Variants in MZT1 observed in about 807,000 individuals in gnomAD.
MZT1 encodes the protein mitotic-spindle organizing protein 1.
MZT1 carries 8 observed loss-of-function variants against 8.5 expected under a neutral mutation model. That is an observed-to-expected ratio of 0.94 (90% CI 0.55 to 1.70). MZT1 has a LOEUF of 1.70. Ranked by LOEUF, MZT1 falls within the 40% of genes most tolerant of loss-of-function variation. MZT1 has a pLI of 0.00. For synonymous variants in MZT1, 38 were observed against 42.0 expected (o/e 0.90, Z 0.37); for missense variants, 93 against 108.6 (o/e 0.86, Z 0.64).
intron 1 of MZT1, among the ~76,000 whole-genome samples, chr13:72,722,537 T>C (rs1295985438): frequency 1.3e-5 from 2 of 152,200 alleles, no homozygotes; most frequent in Non-Finnish European, 2.9e-5. Flanking sequence ...TTATTTTAGG[T>C]GTCCTGGACT....
intron 1 of MZT1, among the ~76,000 whole-genome samples, chr13:72,727,006 C>T (rs779222575): frequency 5.3e-5 from 8 of 152,250 alleles, no homozygotes; most frequent in Non-Finnish European, 1.0e-4. Flanking sequence ...CAAAGGGGAA[C>T]TTGTTCATTC....
intron 2 of MZT1, among the ~76,000 whole-genome samples, chr13:72,715,973 G>A (rs12430345): frequency 0.016 from 2,376 of 152,126 alleles, 204 homozygotes; most frequent in Admixed American, 0.14. Context: ...CTAGAGTACA[G>A]TGGTGTGAAT....
At chr13:72,717,341 T>C (rs1013735200) in intron 2 of MZT1, among the ~76,000 whole-genome samples, 7 of 119,952 alleles carry the variant, frequency 5.8e-5, no homozygotes, top group Non-Finnish European at 1.1e-4. Context: ...CACTTTCTTT[T>C]TTTTTTTTTT....
At position 72,724,752 on chromosome 13, in the gene MZT1, A is replaced by ATATATATATATATATATGTG. The variant is rs1180726488; in HGVS notation, c.79+2771_79+2772insCACATATATATATATATATA. Among the ~76,000 whole-genome samples the ATATATATATATATATATGTG allele has an allele frequency of 1.2e-4, 7 of 56,888 alleles. 3 individuals carry two copies. Among genetic ancestry groups the ATATATATATATATATATGTG allele is most frequent in the Non-Finnish European group, 2.6e-4 (7 of 26,834 alleles). 37.3% of individuals were successfully genotyped at this position (56,888 alleles called of 152,430 possible). A position where few individuals can be genotyped will look rare whatever the true frequency, so the allele number is the denominator to read the frequency against. ...TATATATATATATACACATATATATATGTAAAGTGGTGCTACAGGCCGGGC... is the reference window on the plus strand; with the variant it reads ...TATATATATATATACACATATATATATATATATATATATATATGTGTGTAAAGTGGTGCTACAGGCCGGGC... On this transcript the variant is annotated intron_variant, in intron 1 of 2. Coordinates refer to ENST00000377818, the MANE Select transcript of MZT1 (RefSeq NM_001071775.3).
At chr13:72,717,588 C>T (rs570278616) in intron 2 of MZT1, among the ~76,000 whole-genome samples, 15 of 152,278 alleles carry the variant, frequency 9.9e-5, no homozygotes, top group Admixed American at 7.8e-4. Context: ...ATCCACCCAC[C>T]TTGGTGTCCC....
intron 2 of MZT1, among the ~76,000 whole-genome samples, chr13:72,714,036 A>G (rs2032512134): frequency 6.6e-6 from 1 of 152,268 alleles, no homozygotes; most frequent in Non-Finnish European, 1.5e-5. Context: ...ACAAGTGCTG[A>G]TAGCCAAGAT....
chr13:72,715,600 T>C lies in MZT1; in HGVS notation c.225+3352A>G, dbSNP rs574043849. Among the ~76,000 whole-genome samples the C allele has an allele frequency of 6.6e-4, 100 of 152,298 alleles. 1 individual carries two copies. The Middle Eastern group carries it at 0.017, about 26-fold the overall frequency. On this transcript the variant is annotated intron_variant, in intron 2 of 2. Coordinates refer to ENST00000377818, the MANE Select transcript of MZT1 (RefSeq NM_001071775.3). ...GTAATCTCCATTGTAATCTCCAATG[T>C]TGGAGGTGGGGCCTGGTGGGAGTTG...
Position 72,710,364 on chromosome 13 carries a change from A to G in MZT1, c.226-19T>C. 6.2e-7 allele frequency: 1 copy of G among 1,612,362 alleles called. No homozygotes were observed. The highest frequency in any genetic ancestry group is 2.2e-5 in the East Asian group (1 of 44,774). On this transcript the variant is annotated intron_variant, in intron 2 of 2. Transcript: ENST00000377818. ...CAGCAGCCTAGAACAAGAAAGTAAG[A>G]TTCATTACAATAAAACCATGGAAAA...
intron 2 of MZT1, among the ~76,000 whole-genome samples, chr13:72,713,855 G>C (rs779074156): frequency 1.3e-5 from 2 of 152,220 alleles, no homozygotes; most frequent in Non-Finnish European, 2.9e-5. Context: ...AGTTATCACT[G>C]TTATAATGAT....
intron 1 of MZT1, among the ~76,000 whole-genome samples, chr13:72,721,849 T>C (rs1333210462): frequency 2.0e-5 from 3 of 152,250 alleles, no homozygotes; most frequent in African/African-American, 7.2e-5. Context: ...GGCTGGAAGA[T>C]GACAGCTCTT....
intron 2 of MZT1, among the ~76,000 whole-genome samples, chr13:72,710,579 A>T (rs1593794848): frequency 6.6e-6 from 1 of 152,194 alleles, no homozygotes; most frequent in East Asian, 1.9e-4. Context: ...ATCACCTAAA[A>T]TAATAGTTAA....
intron 1 of MZT1, among the ~76,000 whole-genome samples, chr13:72,721,305 A>T (rs1330809438): frequency 3.3e-5 from 5 of 152,196 alleles, no homozygotes; most frequent in African/African-American, 1.2e-4. Context: ...TGAGGTAAGA[A>T]TTCTGAGTAC....
At chr13:72,725,020 C>G (rs1204779866) in intron 1 of MZT1, among the ~76,000 whole-genome samples, 1 of 146,528 alleles carries the variant, frequency 6.8e-6, no homozygotes. Context: ...GAGCCAAGGT[C>G]GCGCCACTGC....
intron 2 of MZT1, among the ~76,000 whole-genome samples, chr13:72,716,073 T>C (rs1474462397): frequency 6.6e-6 from 1 of 152,008 alleles, no homozygotes; most frequent in African/African-American, 2.4e-5. Flanking sequence ...CCTGCCATAA[T>C]GCCTGGCTAA....
intron 2 of MZT1, among the ~76,000 whole-genome samples, chr13:72,713,353 G>A (rs148531487): frequency 9.9e-4 from 151 of 152,192 alleles, no homozygotes; most frequent in South Asian, 2.5e-3. Context: ...TTGTCCCTTG[G>A]TATCCATGGT....
At chr13:72,714,018 A>C (rs1205775271) in intron 2 of MZT1, among the ~76,000 whole-genome samples, 3 of 152,210 alleles carry the variant, frequency 2.0e-5, no homozygotes, top group Non-Finnish European at 4.4e-5. Context: ...TCCCTATCTA[A>C]ATAGGAGACA....
intron 2 of MZT1, among the ~76,000 whole-genome samples, chr13:72,714,701 G>C (rs1447745283): frequency 6.6e-6 from 1 of 152,240 alleles, no homozygotes; most frequent in East Asian, 1.9e-4. Flanking sequence ...CCCAGGTATA[G>C]CTTGGGACAC....
intron 1 of MZT1, among the ~76,000 whole-genome samples, chr13:72,726,636 A>C (rs755913512): frequency 5.3e-5 from 8 of 151,952 alleles, no homozygotes; most frequent in Admixed American, 2.6e-4. Flanking sequence ...ACTACAAGAG[A>C]GAGGCCATCT....
rs141234837 is a variant in MZT1 at position 72,719,219 on chromosome 13, G to A, written c.80-122C>T. On this transcript the variant is annotated intron_variant, in intron 1 of 2. Coordinates refer to ENST00000377818, the MANE Select transcript of MZT1 (RefSeq NM_001071775.3). ...CCAAGGAATTAGCATAGCATCCCAGGTTTTGGAAATCTGCATGTAATACTT... is the reference window on the plus strand; with the variant it reads ...CCAAGGAATTAGCATAGCATCCCAGATTTTGGAAATCTGCATGTAATACTT... The A allele has an allele frequency of 2.0e-5, 15 of 754,598 alleles. No homozygotes were observed. The African/African-American group carries it at 2.7e-4, about 14-fold the overall frequency. The allele number at this position is 754,598 out of a possible 1,614,324, so 46.7% of individuals were successfully genotyped here.
Sources: gnomAD v4.1 joint callset for allele counts (sites outside exome capture counted in the v4.1 genomes callset) on GRCh38, gnomAD v4.1.1 for gene constraint, MANE v1.5 for transcripts, NCBI Gene and HGNC (gene_info 2026-07-23, HGNC 2026-07-21) for gene names.